Variants in SLC12A2 observed in about 807,000 individuals in gnomAD.
SLC12A2 encodes Na-K-2Cl cotransporter 1.
A neutral mutation model predicts 136.3 loss-of-function variants in SLC12A2; 67 were observed. The ratio of observed to expected loss-of-function variants is 0.49; its 90% CI spans 0.40 to 0.60. The LOEUF is 0.60. SLC12A2 is among the 20% of genes least tolerant of loss of function. The probability of loss-of-function intolerance (pLI) is 0.00; values close to 1 mark genes in which losing one functional copy is unlikely to be tolerated. For missense variants in SLC12A2, 1,322 were observed against 1,534.7 expected (o/e 0.86, Z 2.32); for synonymous variants, 619 against 562.9 (o/e 1.10, Z -1.41).
At chr5:128,139,327 G>A (rs907214123) in intron 9 of SLC12A2, among the ~76,000 whole-genome samples, 6 of 151,506 alleles carry the variant, frequency 4.0e-5, no homozygotes, top group Non-Finnish European at 7.4e-5. Flanking sequence ...GCAATGCTTG[G>A]CAATTTTTTA....
In SLC12A2 at chr5:128,084,788, G is replaced by A; in HGVS notation, c.756+78G>A. On this transcript the variant is annotated intron_variant, in intron 1 of 26. Coordinates refer to ENST00000262461, the MANE Select transcript of SLC12A2 (RefSeq NM_001046.3). The surrounding 1 kb of genome is among the most constrained non-coding windows in gnomAD (Gnocchi z 5.6). ...CGGGATGTGGCTGCAGACTCTTCCCGAGTTGAGGTGGCGGGAGTAGTAGAC... is the reference window on the plus strand; with the variant it reads ...CGGGATGTGGCTGCAGACTCTTCCCAAGTTGAGGTGGCGGGAGTAGTAGAC... 3.5e-6 allele frequency: 5 copies of A among 1,429,124 alleles called. No homozygotes were observed. The South Asian group carries it at 5.7e-5, about 16-fold the overall frequency. The allele number at this position is 1,429,124 out of a possible 1,614,324, so 88.5% of individuals were successfully genotyped here. A position where few individuals can be genotyped will look rare whatever the true frequency, so the allele number is the denominator to read the frequency against.
intron 4 of SLC12A2, among the ~76,000 whole-genome samples, chr5:128,130,713 C>T (rs1761987266): frequency 6.6e-6 from 1 of 151,666 alleles, no homozygotes; most frequent in Non-Finnish European, 1.5e-5. Context: ...ATAAAAGTTA[C>T]ATTAAGATTA....
At chr5:128,109,137 A>C (rs1761046647) in intron 1 of SLC12A2, among the ~76,000 whole-genome samples, 2 of 152,266 alleles carry the variant, frequency 1.3e-5, no homozygotes, top group Non-Finnish European at 2.9e-5. Context: ...GGATTAATTA[A>C]AAATTTAATT....
intron 7 of SLC12A2, among the ~76,000 whole-genome samples, chr5:128,137,048 C>T (rs1488659498): frequency 1.3e-5 from 2 of 152,242 alleles, no homozygotes; most frequent in Admixed American, 6.5e-5. Flanking sequence ...TAGATTGAAC[C>T]TCTGCAGCAA....
chr5:128,119,358 A>T (rs1761470302), intron 4 of SLC12A2, among the ~76,000 whole-genome samples: 1 of 152,192 alleles, frequency 6.6e-6, no homozygotes, highest in African/African-American at 2.4e-5. Flanking sequence ...TTGTTTAGTA[A>T]TTTTAATTCA....
At chr5:128,186,162 A>G (rs943902092) in intron 26 of SLC12A2, among the ~76,000 whole-genome samples, 2 of 152,174 alleles carry the variant, frequency 1.3e-5, no homozygotes, top group African/African-American at 4.8e-5. Flanking sequence ...GTAACGTACT[A>G]TACAGGTTTG....
rs773759667 is a variant in SLC12A2, at chr5:128,131,154, C to G, written c.1136C>G (p.Ala379Gly). The G allele has an allele frequency of 6.2e-7, 1 of 1,614,110 alleles. No individual in the cohort carries two copies. Among genetic ancestry groups the G allele is most frequent in the Non-Finnish European group, 8.5e-7 (1 of 1,180,004 alleles). Residue 379 changes from alanine to glycine, a missense_variant, in exon 5 of 27, where the codon GCA becomes GGA. Around this residue, in one of 8 missense-constraint regions of SLC12A2, gnomAD observed 71 missense variants for 131.0 expected, o/e 0.54. Coordinates refer to ENST00000262461, the MANE Select transcript of SLC12A2 (RefSeq NM_001046.3). ...ATCTTCGCCTTTGCCAACGCTGTTG[C>G]AGTTGCTATGTATGTGGTTGGATTT... ...GLIFAFANAV[A>G]VAMYVVGFAE...
intron 10 of SLC12A2, among the ~76,000 whole-genome samples, chr5:128,142,198 G>T (rs946642561): frequency 2.0e-5 from 3 of 152,166 alleles, no homozygotes; most frequent in Admixed American, 2.0e-4. Flanking sequence ...CGCCTCCTAG[G>T]TTCAAATGAT....
chr5:128,177,585 T>C (rs1164543650), intron 21 of SLC12A2: 1 of 158,232 alleles, frequency 6.3e-6, no homozygotes, highest in Non-Finnish European at 1.4e-5. Context: ...CGTGCTGCGT[T>C]TGGGAGATAC....
At chr5:128,123,899 T>C (rs1233018585) in intron 4 of SLC12A2, among the ~76,000 whole-genome samples, 1 of 152,344 alleles carries the variant, frequency 6.6e-6, no homozygotes, top group East Asian at 1.9e-4. Context: ...TGTTTTCTTC[T>C]AGAGGTTTTA....
chr5:128,084,708 A>G lies in SLC12A2; in HGVS notation c.754A>G (p.Lys252Glu). 2 of 1,587,706 alleles carry G rather than the reference A, an allele frequency of 1.3e-6. No individual in the cohort carries two copies. The highest frequency in any genetic ancestry group is 1.7e-6 in the Non-Finnish European group (2 of 1,165,256). Reference protein sequence around the residue: ...SLAELHDELEKEPFEDGFANG... With the variant: ...SLAELHDELEEEPFEDGFANG... ...GGCGGAGCTCCACGACGAGCTGGAAAAGGTGAGCTCGCCCAGCCCTCCCTT... is the reference window on the plus strand; with the variant it reads ...GGCGGAGCTCCACGACGAGCTGGAAGAGGTGAGCTCGCCCAGCCCTCCCTT... The change falls in exon 1 of 27, where the codon AAG becomes GAG. Residue 252 changes from lysine (K) to glutamate (E), a missense_variant and splice_region_variant. Coordinates refer to ENST00000262461, the MANE Select transcript of SLC12A2 (RefSeq NM_001046.3). This position sits in a 1 kb window ranked among gnomAD's most constrained non-coding sequence, Gnocchi z 5.6.
rs761370632 is a variant in SLC12A2, at chr5:128,184,512, C to T, written c.3435+11C>T. ...CTTTATAAGACCAAGGTATTCTCTT[C>T]TGCTTCCTTTTCATTAATCTTTTAT... On this transcript the variant is annotated intron_variant, in intron 25 of 26. Transcript: ENST00000262461. 5 of 1,569,984 alleles carry T rather than the reference C, an allele frequency of 3.2e-6. No homozygotes were observed. In the South Asian group the frequency reaches 6.0e-5, roughly 19 times the overall value.
intron 4 of SLC12A2, among the ~76,000 whole-genome samples, chr5:128,125,214 T>C (rs1361611372): frequency 1.3e-5 from 2 of 152,212 alleles, no homozygotes; most frequent in Non-Finnish European, 2.9e-5. Flanking sequence ...AAATAACAGA[T>C]TGCTCGAGTC....
intron 1 of SLC12A2, among the ~76,000 whole-genome samples, chr5:128,104,815 T>C (rs1220009499): frequency 6.6e-6 from 1 of 152,044 alleles, no homozygotes. Flanking sequence ...CTGTATACCC[T>C]GGGAGGTATT....
intron 4 of SLC12A2, among the ~76,000 whole-genome samples, chr5:128,126,966 ATTT>A (rs1554105175): frequency 7.1e-4 from 15 of 21,160 alleles, no homozygotes; most frequent in African/African-American, 3.7e-3. Context: ...ATATATATAT[ATTT>A]TTTTTTTTTT....
At chr5:128,108,314 A>C (rs573065435) in intron 1 of SLC12A2, among the ~76,000 whole-genome samples, 15 of 152,340 alleles carry the variant, frequency 9.8e-5, no homozygotes, top group Admixed American at 1.3e-4. Context: ...GTGTATCCTC[A>C]AGATAAATGA....
intron 16 of SLC12A2, 82 bp downstream of exon 16, chr5:128,158,246 A>G: frequency 2.0e-6 from 2 of 981,812 alleles, no homozygotes; most frequent in Non-Finnish European, 1.5e-6. Context: ...CAGGTTTGTT[A>G]TGTAGCTAAA....
rs1307898794 is a variant in SLC12A2, at chr5:128,138,565, A to G, written c.1409-32A>G. ...GTTATTATAGTCTAATTTGCTCTCC[A>G]TTAATTGTCAAGAATATTTTGTTCT... On this transcript the variant is annotated intron_variant, in intron 7 of 26. Coordinates refer to ENST00000262461, the MANE Select transcript of SLC12A2 (RefSeq NM_001046.3). 3 of 1,591,966 alleles carry G rather than the reference A, an allele frequency of 1.9e-6. No individual in the cohort carries two copies. In the Admixed American group the frequency reaches 5.4e-5, roughly 29 times the overall value.
At chr5:128,162,051 TA>T (rs1763056918) in intron 17 of SLC12A2, among the ~76,000 whole-genome samples, 1 of 152,182 alleles carries the variant, frequency 6.6e-6, no homozygotes, top group African/African-American at 2.4e-5. Context: ...TGTTCTGTGT[TA>T]ATTGTGTAAT....
Sources: gnomAD v4.1 joint callset for allele counts (sites outside exome capture counted in the v4.1 genomes callset) on GRCh38, gnomAD v4.1.1 for gene constraint, gnomAD v4.1.1 regional missense constraint, Gnocchi (gnomAD v3.1) non-coding constraint, MANE v1.5 for transcripts, NCBI Gene and HGNC (gene_info 2026-07-23, HGNC 2026-07-21) for gene names.